The following FRMD4B variants were observed in gnomAD, a reference collection of about 807,000 sequenced individuals.
FRMD4B encodes FERM domain containing 4B.
FRMD4B carries 74 observed loss-of-function variants against 141.5 expected under a neutral mutation model. The observed-to-expected ratio is 0.52, with a 90% CI of 0.43 to 0.63. FRMD4B has a LOEUF of 0.63. Among genes scored for constraint, FRMD4B ranks in the 30% least tolerant of loss-of-function variants. The probability of loss-of-function intolerance (pLI) is 0.00; values close to 1 mark genes in which losing one functional copy is unlikely to be tolerated. For missense variants in FRMD4B, 1,366 were observed against 1,253.4 expected (o/e 1.09, Z -1.36); for synonymous variants, 506 against 467.9 (o/e 1.08, Z -1.05).
At chr3:69,317,740 G>A (rs1168349887) in intron 1 of FRMD4B, among the ~76,000 whole-genome samples, 2 of 99,962 alleles carry the variant, frequency 2.0e-5, no homozygotes, top group African/African-American at 8.3e-5. Flanking sequence ...AGGTGACAGA[G>A]CAAGACACCA....
At chr3:69,538,437 C>T (rs796773814) in intron 1 of FRMD4B, among the ~76,000 whole-genome samples, 21 of 152,194 alleles carry the variant, frequency 1.4e-4, no homozygotes, top group African/African-American at 3.9e-4. Context: ...TTTTTGATGG[C>T]TAAGAATCAC....
rs191669150 is a variant in FRMD4B at position 69,187,848 on chromosome 3, G to T, written c.1841C>A (p.Pro614His). The stretch of plus-strand genomic sequence containing the variant: ...GATTCGCTCAATACCAAGAGACTTG[G>T]GGGGAAGAATTCTTGGAGAATGAGG... ...SVPHSPRILP[P>H]KSLGIERIHF... The change falls in exon 19 of 23, where the codon CCC (proline) becomes CAC (histidine). Residue 614 changes from proline (P) to histidine (H), a missense_variant. Transcript: ENST00000398540. 1.0e-4 allele frequency: 166 copies of T among 1,610,896 alleles called. No homozygotes were observed. Among genetic ancestry groups the T allele is most frequent in the Middle Eastern group, 1.6e-4 (1 of 6,078 alleles).
chr3:69,209,863 T>C (rs34263064), intron 11 of FRMD4B, among the ~76,000 whole-genome samples: 17,875 of 152,244 alleles, frequency 0.12, 1,239 homozygotes, highest in African/African-American at 0.2. Context: ...ATTTCAGCAG[T>C]GTCAGAAGTA....
chr3:69,238,983 C>T (rs1360861179), intron 7 of FRMD4B, among the ~76,000 whole-genome samples: 4 of 152,138 alleles, frequency 2.6e-5, no homozygotes, highest in Admixed American at 2.0e-4. Flanking sequence ...AAAAATTGCT[C>T]GTTGTTCATC....
At chr3:69,504,455 C>G (rs907516847) in intron 1 of FRMD4B, among the ~76,000 whole-genome samples, 3 of 152,170 alleles carry the variant, frequency 2.0e-5, no homozygotes, top group Non-Finnish European at 4.4e-5. Flanking sequence ...GAAACCTACA[C>G]CGAGTGTAGT....
chr3:69,175,641 G>C (rs1205740372), intron 22 of FRMD4B, among the ~76,000 whole-genome samples: 2 of 151,928 alleles, frequency 1.3e-5, no homozygotes, highest in Non-Finnish European at 1.5e-5. Context: ...GACTTAAATG[G>C]ACATATCACT....
intron 7 of FRMD4B, among the ~76,000 whole-genome samples, chr3:69,232,075 G>C (rs1044832054): frequency 6.6e-6 from 1 of 152,174 alleles, no homozygotes; most frequent in Non-Finnish European, 1.5e-5. Context: ...AGTTCAGAGG[G>C]AGGGCCCAAA....
At chr3:69,175,444 T>G (rs1048521541) in intron 22 of FRMD4B, among the ~76,000 whole-genome samples, 1 of 152,242 alleles carries the variant, frequency 6.6e-6, no homozygotes, top group Non-Finnish European at 1.5e-5. Context: ...TTTCCTCTAA[T>G]GTTTACAAAG....
intron 5 of FRMD4B, among the ~76,000 whole-genome samples, chr3:69,284,608 A>G (rs1261824179): frequency 2.0e-5 from 3 of 152,174 alleles, no homozygotes; most frequent in Non-Finnish European, 4.4e-5. Context: ...TTATAGGAAC[A>G]CAAAAAATAT....
chr3:69,435,951 A>T (rs1054757335), intron 1 of FRMD4B, among the ~76,000 whole-genome samples: 1 of 152,166 alleles, frequency 6.6e-6, no homozygotes, highest in Non-Finnish European at 1.5e-5. Flanking sequence ...GGCTCTATTT[A>T]TGGGCCATTT....
intron 18 of FRMD4B, among the ~76,000 whole-genome samples, chr3:69,188,198 G>A (rs1433899507): frequency 6.6e-6 from 1 of 152,174 alleles, no homozygotes; most frequent in Non-Finnish European, 1.5e-5. Context: ...AGGGGAATGG[G>A]TAATACTGCA....
intron 5 of FRMD4B, among the ~76,000 whole-genome samples, chr3:69,278,434 G>C (rs1032516012): frequency 6.6e-6 from 1 of 152,062 alleles, no homozygotes; most frequent in Non-Finnish European, 1.5e-5. Flanking sequence ...GAGCAGCTAG[G>C]ACTACAGGCA....
Position 69,263,057 on chromosome 3 carries a change from G to A in FRMD4B, c.502-12958C>T, listed in dbSNP as rs574788605. Among the ~76,000 whole-genome samples the A allele has an allele frequency of 2.0e-5, 3 of 152,058 alleles. 1 individual carries two copies. Among genetic ancestry groups the A allele is most frequent in the African/African-American group, 7.2e-5 (3 of 41,532 alleles). ...GCAGATCACCTGAGGTCGGGAGTTC[G>A]AGACCGGCCTGACCAATATGGTGAA... is the stretch of plus-strand genomic sequence containing the variant. On this transcript the variant is annotated intron_variant, in intron 5 of 22. Coordinates refer to ENST00000398540, the MANE Select transcript of FRMD4B (RefSeq NM_015123.3).
chr3:69,380,653 C>T (rs1043316962), intron 1 of FRMD4B, among the ~76,000 whole-genome samples: 3 of 152,174 alleles, frequency 2.0e-5, no homozygotes, highest in African/African-American at 4.8e-5. Flanking sequence ...CAGACTCTGC[C>T]GTGTTCTGTG....
chr3:69,434,866 A>G (rs1025387710), intron 1 of FRMD4B, among the ~76,000 whole-genome samples: 7 of 152,166 alleles, frequency 4.6e-5, no homozygotes, highest in Non-Finnish European at 8.8e-5. Context: ...ACAGAACAAA[A>G]TGTATGTTCT....
Position 69,339,510 on chromosome 3 carries a change from C to G in FRMD4B, c.163-25993G>C, listed in dbSNP as rs186413297. On this transcript the variant is annotated intron_variant, in intron 1 of 22. Coordinates refer to ENST00000398540, the MANE Select transcript of FRMD4B (RefSeq NM_015123.3). ...GAGAATTCGTGGAAAGCACCCAGCACAGTGCGTGGCACTCAGCGTTAGCCA... is the reference window on the plus strand; with the variant it reads ...GAGAATTCGTGGAAAGCACCCAGCAGAGTGCGTGGCACTCAGCGTTAGCCA... 2.0e-5 allele frequency among the ~76,000 whole-genome samples: 3 copies of G among 152,336 alleles called. No individual in the cohort carries two copies. In the East Asian group the frequency reaches 5.8e-4, roughly 29 times the overall value.
rs373528397 is a variant in FRMD4B, at chr3:69,218,355, T to C, written c.756A>G (p.Leu252=). The C allele has an allele frequency of 1.9e-5, 28 of 1,499,194 alleles. No individual in the cohort carries two copies. The highest frequency in any genetic ancestry group is 1.7e-4 in the Middle Eastern group (1 of 5,808). The allele number at this position is 1,499,194 out of a possible 1,614,324, so 92.9% of individuals were successfully genotyped here. A position where few individuals can be genotyped will look rare whatever the true frequency, so the allele number is the denominator to read the frequency against. Residue 252 remains leucine (L), a synonymous_variant, in exon 10 of 23, where the codon CTA becomes CTG. Transcript: ENST00000398540. ...VVQYMKIVEA[L]PTYGVHYYAV... is the part of the protein sequence containing the mutation. The stretch of plus-strand genomic sequence containing the variant: ...CATAATAATGGACACCGTAAGTCGG[T>C]AGAGCTTCTACTATTTTCATATACC...
At chr3:69,196,685 A>G in intron 13 of FRMD4B, 1 of 578,092 alleles carries the variant, frequency 1.7e-6, no homozygotes, top group Non-Finnish European at 3.0e-6. Flanking sequence ...ACAAACGTGC[A>G]TGCCAAAAAG....
At position 69,520,001 on chromosome 3, in the gene FRMD4B, T is replaced by TCC. The variant is rs1158310136; in HGVS notation, c.-129+22204_-129+22205insGG. On this transcript the variant is annotated intron_variant, in intron 1 of 5. Coordinates refer to the FRMD4B transcript ENST00000459638. ...TTTTGTGGCTGAGTAGTATTCCATA[T>TCC]ATATATATATATATATATATATATT... is the stretch of plus-strand genomic sequence containing the variant. Among the ~76,000 whole-genome samples the TCC allele has an allele frequency of 3.3e-4, 23 of 69,278 alleles. 1 individual carries two copies. The highest frequency in any genetic ancestry group is 2.8e-3 in the African/African-American group (23 of 8,280). 45.4% of individuals were successfully genotyped at this position (69,278 alleles called of 152,430 possible).
Sources: gnomAD v4.1 joint callset for allele counts (sites outside exome capture counted in the v4.1 genomes callset) on GRCh38, gnomAD v4.1.1 for gene constraint, MANE v1.5 for transcripts, NCBI Gene and HGNC (gene_info 2026-07-23, HGNC 2026-07-21) for gene names.